Variants in SLC44A5 observed in about 807,000 individuals in gnomAD.
SLC44A5 encodes choline transporter-like protein 5.
A neutral mutation model predicts 101.8 loss-of-function variants in SLC44A5; 57 were observed. That is an observed-to-expected ratio of 0.56 (90% confidence interval 0.45 to 0.70). The LOEUF is 0.70. Ranked by LOEUF, SLC44A5 falls within the 30% of genes least tolerant of loss-of-function variation. The pLI, the probability that SLC44A5 is intolerant of heterozygous loss-of-function variation, is 0.00. For missense variants in SLC44A5, 737 were observed against 853.1 expected (o/e 0.86, Z 1.70); for synonymous variants, 281 against 290.9 (o/e 0.97, Z 0.35).
At chr1:75,477,803 A>G (rs1264305734) in intron 2 of SLC44A5, among the ~76,000 whole-genome samples, 1 of 152,222 alleles carries the variant, frequency 6.6e-6, no homozygotes, top group Non-Finnish European at 1.5e-5. Flanking sequence ...GACGGGGAGA[A>G]TGGAACCAAG....
chr1:75,417,108 C>T (rs1289812722), intron 2 of SLC44A5, among the ~76,000 whole-genome samples: 9 of 152,006 alleles, frequency 5.9e-5, no homozygotes, highest in Non-Finnish European at 1.2e-4. Flanking sequence ...GCTCTGTGTC[C>T]CCACTCTAAT....
chr1:75,351,417 A>G (rs1022447818), intron 3 of SLC44A5, among the ~76,000 whole-genome samples: 2 of 152,158 alleles, frequency 1.3e-5, no homozygotes, highest in Non-Finnish European at 2.9e-5. Flanking sequence ...ACAAAAATCA[A>G]TCTCAGATAG....
At chr1:75,638,979 G>A in the SLC44A5 span, among the ~76,000 whole-genome samples, 46 of 152,098 alleles carry the variant, frequency 3.0e-4, no homozygotes, top group African/African-American at 1.1e-3. Flanking sequence ...AATCTCACAC[G>A]TATGTGGAAT....
chr1:75,536,071 G>A (rs1670982578), intron 2 of SLC44A5, among the ~76,000 whole-genome samples: 1 of 150,010 alleles, frequency 6.7e-6, no homozygotes. Flanking sequence ...AAATCCTTGA[G>A]AAATGGCTAT....
At chr1:75,695,559 G>T in the SLC44A5 span, among the ~76,000 whole-genome samples, 2 of 151,822 alleles carry the variant, frequency 1.3e-5, no homozygotes, top group South Asian at 4.1e-4. Flanking sequence ...ACTTTAAGGA[G>T]CATACATCCC....
chr1:75,320,834 G>A lies in SLC44A5; in HGVS notation c.101+18748C>T, dbSNP rs976271897. Among the ~76,000 whole-genome samples, 4 of 152,224 alleles carry A rather than the reference G, an allele frequency of 2.6e-5. No homozygotes were observed. In the East Asian group the frequency reaches 7.7e-4, roughly 29 times the overall value. On this transcript the variant is annotated intron_variant, in intron 4 of 23. Coordinates refer to ENST00000370859, the MANE Select transcript of SLC44A5 (RefSeq NM_001130058.2). ...AGCAAGCTTTTCAAATGCACTGAAA[G>A]ATTTAATTCATAAAGCCCTTAAGAG...
chr1:75,617,794 A>G, the SLC44A5 span, among the ~76,000 whole-genome samples: 5 of 152,208 alleles, frequency 3.3e-5, no homozygotes, highest in African/African-American at 9.7e-5. Context: ...TAGGTCTTCA[A>G]ATGTTTACTG....
At chr1:75,655,200 C>T in the SLC44A5 span, among the ~76,000 whole-genome samples, 2 of 152,126 alleles carry the variant, frequency 1.3e-5, no homozygotes, top group Non-Finnish European at 2.9e-5. Flanking sequence ...AGGTACTATG[C>T]TTATTACCTG....
At chr1:75,622,868 G>C in the SLC44A5 span, among the ~76,000 whole-genome samples, 4 of 151,952 alleles carry the variant, frequency 2.6e-5, no homozygotes, top group Non-Finnish European at 5.9e-5. Flanking sequence ...TTGGTCCTTG[G>C]CTCAGTTTAC....
At chr1:75,281,629 G>T (rs1046965416) in intron 5 of SLC44A5, among the ~76,000 whole-genome samples, 1 of 78,214 alleles carries the variant, frequency 1.3e-5, no homozygotes, top group Non-Finnish European at 2.6e-5. Flanking sequence ...TCCTGGGCTG[G>T]TGCCAGGCCC....
At chr1:75,313,189 T>C (rs1254033183) in intron 4 of SLC44A5, among the ~76,000 whole-genome samples, 2 of 152,168 alleles carry the variant, frequency 1.3e-5, no homozygotes, top group African/African-American at 4.8e-5. Context: ...CCAGGAATAC[T>C]GTGAAAATAA....
chr1:75,370,226 TC>T (rs573114708), intron 3 of SLC44A5, among the ~76,000 whole-genome samples: 6 of 152,206 alleles, frequency 3.9e-5, no homozygotes, highest in Non-Finnish European at 8.8e-5. Context: ...GGTTTTTTGT[TC>T]CCATATGCTG....
chr1:75,440,127 A>T (rs182498037), intron 2 of SLC44A5, among the ~76,000 whole-genome samples: 1 of 152,278 alleles, frequency 6.6e-6, no homozygotes, highest in Non-Finnish European at 1.5e-5. Context: ...AATTGCCTTC[A>T]TGTAACTTAC....
At chr1:75,267,310 T>C (rs1651076294) in intron 6 of SLC44A5, among the ~76,000 whole-genome samples, 2 of 152,208 alleles carry the variant, frequency 1.3e-5, no homozygotes, top group Admixed American at 1.3e-4. Context: ...CATATTCTTT[T>C]GAGAAAATGT....
chr1:75,265,584 T>C (rs757781361), intron 6 of SLC44A5, among the ~76,000 whole-genome samples: 1 of 152,270 alleles, frequency 6.6e-6, no homozygotes, highest in Non-Finnish European at 1.5e-5. Flanking sequence ...TCTTAACACA[T>C]AGAAATGATA....
chr1:75,210,801 C>T (rs1646838046), intron 23 of SLC44A5, among the ~76,000 whole-genome samples: 1 of 152,150 alleles, frequency 6.6e-6, no homozygotes, highest in Non-Finnish European at 1.5e-5. Flanking sequence ...TTTGCAAACT[C>T]CATTCTCTTA....
At chr1:75,678,428 T>C in the SLC44A5 span, among the ~76,000 whole-genome samples, 26 of 152,182 alleles carry the variant, frequency 1.7e-4, no homozygotes, top group African/African-American at 5.5e-4. Context: ...AACGGGCAGA[T>C]TGCCTCCTCA....
At chr1:75,333,072 TA>T (rs559348215) in intron 4 of SLC44A5, among the ~76,000 whole-genome samples, 2 of 151,246 alleles carry the variant, frequency 1.3e-5, no homozygotes, top group Non-Finnish European at 3.0e-5. Flanking sequence ...ACACAAAATT[TA>T]AAAAAAAAGT....
intron 2 of SLC44A5, among the ~76,000 whole-genome samples, chr1:75,468,618 A>G (rs1211280281): frequency 6.6e-6 from 1 of 152,164 alleles, no homozygotes; most frequent in Non-Finnish European, 1.5e-5. Context: ...ACTAAAAATC[A>G]AAATAATTGA....
Sources: gnomAD v4.1 joint callset for allele counts (sites outside exome capture counted in the v4.1 genomes callset) on GRCh38, gnomAD v4.1.1 for gene constraint, MANE v1.5 for transcripts, NCBI Gene and HGNC (gene_info 2026-07-23, HGNC 2026-07-21) for gene names.